SPOCK1: variants seen among roughly 807,000 people sequenced by gnomAD.
The protein encoded by SPOCK1 is testican-1.
Under a neutral mutation model 55.3 loss-of-function variants are expected in SPOCK1, and 23 were observed. The ratio of observed to expected loss-of-function variants is 0.42; its 90% confidence interval spans 0.30 to 0.59. The LOEUF (loss-of-function observed/expected upper bound fraction) is 0.59, where lower values mean the gene tolerates loss of function less well. Ranked by LOEUF, SPOCK1 falls within the 20% of genes least tolerant of loss-of-function variation. The pLI, the probability that SPOCK1 is intolerant of heterozygous loss-of-function variation, is 0.22. For synonymous variants in SPOCK1, 226 were observed against 221.0 expected (o/e 1.02, Z -0.20); for missense variants, 499 against 552.5 (o/e 0.90, Z 0.97).
rs555342194 is a variant in SPOCK1 at position 137,172,472 on chromosome 5, A to G, written c.233-31778T>C. On this transcript the variant is annotated intron_variant, in intron 3 of 10. Transcript: ENST00000394945. ...TTATCCAGAGGCCCCTCTCCCCTGCAGGAAGATGAGCTCTCTGTGCATCAA... is the reference window on the plus strand; with the variant it reads ...TTATCCAGAGGCCCCTCTCCCCTGCGGGAAGATGAGCTCTCTGTGCATCAA... 5.9e-5 allele frequency among the ~76,000 whole-genome samples: 9 copies of G among 152,302 alleles called. No homozygotes were observed. The South Asian group carries it at 1.9e-3, about 32-fold the overall frequency.
At chr5:137,398,053 G>C (rs1035347675) in intron 2 of SPOCK1, among the ~76,000 whole-genome samples, 88 of 152,040 alleles carry the variant, frequency 5.8e-4, no homozygotes, top group African/African-American at 2.0e-3. Flanking sequence ...GACTACCCAG[G>C]ACACCGTCTG....
At chr5:137,002,403 T>C (rs184196630) in intron 6 of SPOCK1, among the ~76,000 whole-genome samples, 2 of 151,942 alleles carry the variant, frequency 1.3e-5, no homozygotes, top group Non-Finnish European at 2.9e-5. Context: ...CTGAATAATC[T>C]AGATCAGGGA....
chr5:137,138,411 C>T (rs1334042438), intron 4 of SPOCK1, among the ~76,000 whole-genome samples: 1 of 151,734 alleles, frequency 6.6e-6, no homozygotes, highest in African/African-American at 2.4e-5. Context: ...AGTTTAAAAC[C>T]AAAAATGTCT....
chr5:137,298,213 T>C (rs1359936686), intron 2 of SPOCK1, among the ~76,000 whole-genome samples: 1 of 152,224 alleles, frequency 6.6e-6, no homozygotes, highest in African/African-American at 2.4e-5. Context: ...TGTGATGGGC[T>C]GACCATACCC....
chr5:137,093,859 C>A (rs954800749), intron 5 of SPOCK1, among the ~76,000 whole-genome samples: 6 of 152,122 alleles, frequency 3.9e-5, no homozygotes, highest in African/African-American at 1.4e-4. Context: ...CATAGAGAAC[C>A]TGGGGGAGCA....
At chr5:137,063,980 G>T (rs1339066287) in intron 6 of SPOCK1, among the ~76,000 whole-genome samples, 3 of 152,104 alleles carry the variant, frequency 2.0e-5, no homozygotes, top group Non-Finnish European at 4.4e-5. Flanking sequence ...AGTTTTCTGT[G>T]CCCCTGAACA....
At chr5:137,187,137 C>T (rs1749992847) in intron 3 of SPOCK1, among the ~76,000 whole-genome samples, 1 of 152,174 alleles carries the variant, frequency 6.6e-6, no homozygotes, top group African/African-American at 2.4e-5. Flanking sequence ...CTGTCCCACT[C>T]CCTGAAAGGA....
intron 2 of SPOCK1, among the ~76,000 whole-genome samples, chr5:137,311,869 C>T (rs761799270): frequency 2.2e-4 from 33 of 152,168 alleles, no homozygotes; most frequent in Admixed American, 1.8e-3. Context: ...AAAGCATGAA[C>T]TTTGCTTCAT....
intron 6 of SPOCK1, among the ~76,000 whole-genome samples, chr5:137,050,623 T>C (rs1752188173): frequency 6.6e-6 from 1 of 152,112 alleles, no homozygotes; most frequent in African/African-American, 2.4e-5. Context: ...CGCTGGGAGC[T>C]GTAGACCGGA....
intron 3 of SPOCK1, among the ~76,000 whole-genome samples, chr5:137,211,681 T>C (rs919339129): frequency 1.3e-5 from 2 of 152,080 alleles, no homozygotes; most frequent in Admixed American, 6.5e-5. Context: ...GGACTTTCAG[T>C]CCCACCCCAA....
chr5:137,074,332 T>C (rs1035366678), intron 5 of SPOCK1, among the ~76,000 whole-genome samples: 21 of 152,218 alleles, frequency 1.4e-4, no homozygotes, highest in African/African-American at 4.3e-4. Flanking sequence ...TATTATGGAA[T>C]GTTCTTACAG....
chr5:137,340,880 CA>C (rs553671622), intron 2 of SPOCK1, among the ~76,000 whole-genome samples: 8,818 of 94,888 alleles, frequency 0.093, 274 homozygotes, highest in Admixed American at 0.14. Context: ...GATTCCATCT[CA>C]AAAAAAAAAA....
chr5:137,040,267 C>A (rs1178192984), intron 6 of SPOCK1, among the ~76,000 whole-genome samples: 1 of 152,246 alleles, frequency 6.6e-6, no homozygotes, highest in Non-Finnish European at 1.5e-5. Context: ...CAAGCTAGCA[C>A]TTCATGAGGG....
chr5:137,170,309 C>T (rs1017254155), intron 3 of SPOCK1, among the ~76,000 whole-genome samples: 9 of 151,850 alleles, frequency 5.9e-5, no homozygotes, highest in Non-Finnish European at 1.3e-4. Flanking sequence ...AATGCAGAAC[C>T]CTTGGACCCA....
intron 2 of SPOCK1, among the ~76,000 whole-genome samples, chr5:137,334,968 A>ACTACC (rs1271192775): frequency 2.0e-5 from 3 of 152,208 alleles, no homozygotes; most frequent in Non-Finnish European, 4.4e-5. Context: ...AATGCCAAAA[A>ACTACC]CTACCTGTGG....
intron 2 of SPOCK1, among the ~76,000 whole-genome samples, chr5:137,462,153 C>G (rs1011467150): frequency 6.6e-6 from 1 of 152,226 alleles, no homozygotes; most frequent in Non-Finnish European, 1.5e-5. Context: ...CTGGAGGCCA[C>G]CAGGAGGCCA....
At chr5:137,362,203 G>A (rs1304329797) in intron 2 of SPOCK1, among the ~76,000 whole-genome samples, 1 of 152,120 alleles carries the variant, frequency 6.6e-6, no homozygotes, top group African/African-American at 2.4e-5. Context: ...ACAGAAGAAG[G>A]TCACTGCTTT....
At chr5:137,456,386 T>C (rs528133901) in intron 2 of SPOCK1, among the ~76,000 whole-genome samples, 15 of 152,322 alleles carry the variant, frequency 9.8e-5, no homozygotes, top group East Asian at 9.6e-4. Flanking sequence ...TTAATACTTA[T>C]AAATACAATG....
intron 2 of SPOCK1, among the ~76,000 whole-genome samples, chr5:137,405,074 C>T (rs1397923984): frequency 2.0e-5 from 3 of 152,156 alleles, no homozygotes; most frequent in Non-Finnish European, 2.9e-5. Context: ...CAAAGATGCA[C>T]GAAGTCTTTG....
Sources: allele counts gnomAD v4.1 joint callset (sites outside exome capture counted in the v4.1 genomes callset), GRCh38; gene constraint gnomAD v4.1.1; transcripts MANE v1.5; gene names NCBI Gene and HGNC (gene_info 2026-07-23, HGNC 2026-07-21).